PPP4R4: variants seen among roughly 807,000 people sequenced by gnomAD.
PPP4R4 encodes serine/threonine-protein phosphatase 4 regulatory subunit 4.
Under a neutral mutation model 121.8 loss-of-function variants are expected in PPP4R4, and 70 were observed. The observed-to-expected ratio is 0.57, with a 90% CI of 0.47 to 0.70. The LOEUF is 0.70. Ranked by LOEUF, PPP4R4 falls within the 30% of genes least tolerant of loss-of-function variation. PPP4R4 has a pLI of 0.00. For missense variants in PPP4R4, 875 were observed against 1,033.6 expected (o/e 0.85, Z 2.10); for synonymous variants, 348 against 355.7 (o/e 0.98, Z 0.24).
At chr14:94,258,398 A>G (rs1377016485) in intron 17 of PPP4R4, among the ~76,000 whole-genome samples, 1 of 152,186 alleles carries the variant, frequency 6.6e-6, no homozygotes, top group Admixed American at 6.5e-5. Flanking sequence ...AGGCCCCATG[A>G]TGGCTTGTCT....
At chr14:94,190,875 T>TTC (rs1889560059) in intron 2 of PPP4R4, among the ~76,000 whole-genome samples, 1 of 151,516 alleles carries the variant, frequency 6.6e-6, no homozygotes, top group Non-Finnish European at 1.5e-5. Context: ...TTTCCAACTT[T>TTC]TTTTTTTTTT....
chr14:94,181,245 A>T (rs1220680423), intron 2 of PPP4R4, among the ~76,000 whole-genome samples: 1 of 151,494 alleles, frequency 6.6e-6, no homozygotes, highest in African/African-American at 2.4e-5. Context: ...TGTGTGTGTG[A>T]GAGAGAGAAA....
chr14:94,233,053 G>A (rs940665851), intron 5 of PPP4R4, among the ~76,000 whole-genome samples: 37 of 132,958 alleles, frequency 2.8e-4, no homozygotes, highest in Middle Eastern at 4.1e-3. Context: ...GCGAGACTCC[G>A]TCTCAAAAAA....
rs1371934970 is a variant in PPP4R4 at position 94,180,875 on chromosome 14, T to C, written c.191+4748T>C. On this transcript the variant is annotated intron_variant, in intron 2 of 24. Transcript: ENST00000304338. ...AGAGTAAGTGCTCCCCCTAGTGATA[T>C]GAAAGAGTGAGATTTCTGCAGTCAA... Among the ~76,000 whole-genome samples the C allele has an allele frequency of 4.6e-5, 7 of 152,242 alleles. No homozygotes were observed. The South Asian group carries it at 1.5e-3, about 32-fold the overall frequency.
intron 2 of PPP4R4, among the ~76,000 whole-genome samples, chr14:94,195,464 C>A (rs964817874): frequency 6.6e-5 from 10 of 152,190 alleles, no homozygotes; most frequent in African/African-American, 2.4e-4. Flanking sequence ...CTAAGCTCAA[C>A]ATATATGTTG....
chr14:94,189,796 T>C (rs1409227104), intron 2 of PPP4R4, among the ~76,000 whole-genome samples: 1 of 152,238 alleles, frequency 6.6e-6, no homozygotes, highest in Admixed American at 6.5e-5. Flanking sequence ...GAGGGAAACC[T>C]GGGAGTAATT....
chr14:94,203,371 AG>A (rs1230354897), intron 2 of PPP4R4, among the ~76,000 whole-genome samples: 6 of 152,290 alleles, frequency 3.9e-5, no homozygotes, highest in African/African-American at 1.4e-4. Flanking sequence ...ACATATAAAT[AG>A]TTCTTTTTTT....
Position 94,174,705 on chromosome 14 carries a change from C to G in PPP4R4, c.117+123C>G, listed in dbSNP as rs1358683531. On this transcript the variant is annotated intron_variant, in intron 1 of 24. Transcript: ENST00000304338. ...TCCGGGCCGCCGGGACCCTCTCAGT[C>G]GGGCCGGCCCCTCCTCCTCCACCCC... 4 of 1,443,218 alleles carry G rather than the reference C, an allele frequency of 2.8e-6. No homozygotes were observed. The East Asian group carries it at 1.0e-4, about 37-fold the overall frequency. The allele number at this position is 1,443,218 out of a possible 1,614,324, so 89.4% of individuals were successfully genotyped here.
intron 2 of PPP4R4, among the ~76,000 whole-genome samples, chr14:94,195,590 G>A (rs1029868888): frequency 2.0e-5 from 3 of 152,056 alleles, no homozygotes; most frequent in Non-Finnish European, 4.4e-5. Flanking sequence ...TTTGTTGTAG[G>A]CAGCTGTCTT....
intron 3 of PPP4R4, among the ~76,000 whole-genome samples, chr14:94,219,170 C>T (rs530969511): frequency 4.1e-5 from 6 of 148,120 alleles, no homozygotes; most frequent in African/African-American, 1.5e-4. Flanking sequence ...ACCTCTGCCT[C>T]CCGGGTTCAA....
At chr14:94,240,904 G>A (rs1230632278) in intron 9 of PPP4R4, 109 bp downstream of exon 9, 7 of 1,276,086 alleles carry the variant, frequency 5.5e-6, no homozygotes, top group Non-Finnish European at 6.1e-6. Flanking sequence ...TAACTCTTAA[G>A]TATATAAAAA....
intron 23 of PPP4R4, among the ~76,000 whole-genome samples, chr14:94,269,671 A>G (rs1439350878): frequency 1.3e-5 from 2 of 151,870 alleles, no homozygotes; most frequent in Non-Finnish European, 2.9e-5. Context: ...AAAAAAAAAC[A>G]AAAACAAAAA....
At chr14:94,208,151 G>A (rs1451214137) in intron 2 of PPP4R4, among the ~76,000 whole-genome samples, 1 of 151,816 alleles carries the variant, frequency 6.6e-6, no homozygotes, top group Non-Finnish European at 1.5e-5. Flanking sequence ...GAAAAAATGA[G>A]GTAGAATTAA....
intron 19 of PPP4R4, 36 bp downstream of exon 19, chr14:94,259,405 T>G (rs1283585045): frequency 1.3e-6 from 2 of 1,503,890 alleles, no homozygotes; most frequent in Non-Finnish European, 1.8e-6. Context: ...ATATACTCTT[T>G]TCTGATTAAT....
At chr14:94,199,059 G>A (rs895925522) in intron 2 of PPP4R4, among the ~76,000 whole-genome samples, 2 of 152,306 alleles carry the variant, frequency 1.3e-5, no homozygotes, top group African/African-American at 4.8e-5. Context: ...CATTTCTGCA[G>A]AAAGCCTACT....
Position 94,174,589 on chromosome 14 carries a change from C to A in PPP4R4, c.117+7C>A. ...GGTCCGCCGGAGCCTCAAGGTGCGCCCCGGGGAGAGGACCTGCCCTCACGG... is the reference window on the plus strand; with the variant it reads ...GGTCCGCCGGAGCCTCAAGGTGCGCACCGGGGAGAGGACCTGCCCTCACGG... On this transcript the variant is annotated splice_region_variant and intron_variant, in intron 1 of 24. Transcript: ENST00000304338. 6.2e-7 allele frequency: 1 copy of A among 1,610,716 alleles called. No homozygotes were observed. The highest frequency in any genetic ancestry group is 8.5e-7 in the Non-Finnish European group (1 of 1,178,768).
intron 3 of PPP4R4, chr14:94,227,762 A>G (rs774221824): frequency 3.8e-5 from 38 of 995,118 alleles, no homozygotes; most frequent in Non-Finnish European, 4.3e-5. Flanking sequence ...GTGAACTGGA[A>G]TGTACGTTGT....
intron 7 of PPP4R4, among the ~76,000 whole-genome samples, chr14:94,235,336 AGCTCCTGT>A (rs1459038518): frequency 6.8e-6 from 1 of 146,742 alleles, no homozygotes; most frequent in Non-Finnish European, 1.5e-5. Context: ...GCCTTTCTAT[AGCTCCTGT>A]GCAACTTCAG....
At chr14:94,228,034 A>G (rs1166550779) in intron 3 of PPP4R4, among the ~76,000 whole-genome samples, 1 of 152,166 alleles carries the variant, frequency 6.6e-6, no homozygotes, top group Non-Finnish European at 1.5e-5. Flanking sequence ...CTCTCAGCCA[A>G]GAACTCTCAT....
Sources: gnomAD v4.1 joint callset for allele counts (sites outside exome capture counted in the v4.1 genomes callset) on GRCh38, gnomAD v4.1.1 for gene constraint, MANE v1.5 for transcripts, NCBI Gene and HGNC (gene_info 2026-07-23, HGNC 2026-07-21) for gene names.